PTDSS1: variants seen among roughly 807,000 people sequenced by gnomAD.
PTDSS1 encodes the protein PSS-1.
A neutral mutation model predicts 70.5 loss-of-function variants in PTDSS1; 45 were observed. The ratio of observed to expected loss-of-function variants is 0.64; its 90% CI spans 0.50 to 0.82. The LOEUF (loss-of-function observed/expected upper bound fraction) is 0.82, where lower values mean the gene tolerates loss of function less well. Among genes scored for constraint, PTDSS1 ranks in the 40% least tolerant of loss-of-function variants. The pLI is 0.00. For synonymous variants in PTDSS1, 188 were observed against 203.8 expected, an observed-to-expected ratio of 0.92 and a Z score of 0.66; for missense variants, 417 against 586.1, an observed-to-expected ratio of 0.71 and a Z score of 2.98.
chr8:96,293,944 C>A (rs1038848570), intron 4 of PTDSS1, among the ~76,000 whole-genome samples: 2 of 152,174 alleles, frequency 1.3e-5, no homozygotes, highest in Non-Finnish European at 2.9e-5. Flanking sequence ...TTCTCTGTGA[C>A]AAGAACGTGC....
chr8:96,317,552 C>T (rs551079809), intron 9 of PTDSS1, among the ~76,000 whole-genome samples: 1 of 151,738 alleles, frequency 6.6e-6, no homozygotes, highest in Non-Finnish European at 1.5e-5. Context: ...CAGGGTAACA[C>T]GGTAAAACCC....
At chr8:96,283,072 C>T (rs915111539) in intron 2 of PTDSS1, among the ~76,000 whole-genome samples, 1 of 152,322 alleles carries the variant, frequency 6.6e-6, no homozygotes, top group East Asian at 1.9e-4. Flanking sequence ...TTTGGATGGC[C>T]ACCACCTGCC....
intron 9 of PTDSS1, among the ~76,000 whole-genome samples, chr8:96,310,887 C>T (rs1367085281): frequency 2.6e-5 from 4 of 151,732 alleles, no homozygotes; most frequent in African/African-American, 7.3e-5. Context: ...TGCCTCAGTC[C>T]CCCAAGTAGC....
intron 9 of PTDSS1, among the ~76,000 whole-genome samples, chr8:96,313,394 C>T (rs28629440): frequency 0.43 from 65,591 of 151,958 alleles, 14,635 homozygotes; most frequent in Middle Eastern, 0.47. Context: ...TCCTTCAGCT[C>T]GGTGGGAGTT....
intron 2 of PTDSS1, among the ~76,000 whole-genome samples, chr8:96,274,436 G>GA (rs1810611078): frequency 6.6e-6 from 1 of 152,058 alleles, no homozygotes; most frequent in Non-Finnish European, 1.5e-5. Context: ...AGATAGAGTA[G>GA]AAAAAACAGC....
chr8:96,284,000 A>C, intron 2 of PTDSS1, 109 bp from the exon 3 acceptor site: 3 of 845,390 alleles, frequency 3.5e-6, no homozygotes, highest in Non-Finnish European at 5.5e-6. Context: ...AACTTTTAAC[A>C]GTAGAGAGCT....
rs1416100247 is a variant in PTDSS1 at position 96,336,077 on chromosome 8, T to C, written c.*2511T>C. 1.3e-5 allele frequency: 2 copies of C among 150,496 alleles called. No homozygotes were observed. The highest frequency in any genetic ancestry group is 1.3e-4 in the Admixed American group (2 of 15,230). 9.3% of individuals were successfully genotyped at this position (150,496 alleles called of 1,614,324 possible). The stretch of plus-strand genomic sequence containing the variant: ...CTTCTTCCCACATTTCGTTTGTGTC[T>C]GTTTCCACCATTCATAGAAACCTTG... On this transcript the variant is annotated 3_prime_UTR_variant, in exon 13 of 13. Coordinates refer to ENST00000517309, the MANE Select transcript of PTDSS1 (RefSeq NM_014754.3).
At chr8:96,279,456 T>TC (rs1029930698) in intron 2 of PTDSS1, among the ~76,000 whole-genome samples, 1 of 141,268 alleles carries the variant, frequency 7.1e-6, no homozygotes, top group African/African-American at 2.6e-5. Context: ...CTTCTAAATT[T>TC]AAAAAAAAAA....
chr8:96,309,637 A>G lies in PTDSS1; in HGVS notation c.1073+15A>G. ...TGGGTGTTTGGGTGAGTAATCTGTT[A>G]TTGTGGAGATTTAAAAACCACTTAA... On this transcript the variant is annotated intron_variant, in intron 9 of 12. Coordinates refer to ENST00000517309, the MANE Select transcript of PTDSS1 (RefSeq NM_014754.3). 1 of 1,613,536 alleles carries G rather than the reference A, an allele frequency of 6.2e-7. No individual in the cohort carries two copies. Among genetic ancestry groups the G allele is most frequent in the African/African-American group, 1.3e-5 (1 of 75,014 alleles).
chr8:96,278,173 T>C (rs144249187), intron 2 of PTDSS1, among the ~76,000 whole-genome samples: 83 of 152,324 alleles, frequency 5.4e-4, no homozygotes, highest in Admixed American at 4.2e-3. Context: ...ACCCCTTTTC[T>C]AGCAATCCTC....
In PTDSS1 at chr8:96,262,346, C is replaced by T; in HGVS notation, c.179+127C>T. 14 of 1,232,362 alleles carry T rather than the reference C, an allele frequency of 1.1e-5. No homozygotes were observed. The highest frequency in any genetic ancestry group is 3.3e-6 in the Non-Finnish European group (3 of 911,296). The allele number at this position is 1,232,362 out of a possible 1,614,324, so 76.3% of individuals were successfully genotyped here. A position where few individuals can be genotyped will look rare whatever the true frequency, so the allele number is the denominator to read the frequency against. ...GTGGGCTGGCTGCTCCACGCACACG[C>T]ACTGGCAGCCCGCCGCCCACGCGGC... On this transcript the variant is annotated intron_variant, in intron 1 of 12. Transcript: ENST00000517309. This position sits in a 1 kb window ranked among gnomAD's most constrained non-coding sequence, Gnocchi z 4.4.
chr8:96,275,008 T>A (rs1810620350), intron 2 of PTDSS1, among the ~76,000 whole-genome samples: 1 of 152,232 alleles, frequency 6.6e-6, no homozygotes, highest in South Asian at 2.1e-4. Context: ...TATGCAGATA[T>A]GTCAAATGTA....
intron 9 of PTDSS1, among the ~76,000 whole-genome samples, chr8:96,316,135 G>T (rs932881022): frequency 6.6e-6 from 1 of 152,216 alleles, no homozygotes; most frequent in African/African-American, 2.4e-5. Flanking sequence ...GAGCCCATGT[G>T]ATCGTTGGGT....
At chr8:96,332,373 C>G (rs1047993529) in intron 12 of PTDSS1, among the ~76,000 whole-genome samples, 1 of 152,144 alleles carries the variant, frequency 6.6e-6, no homozygotes, top group Non-Finnish European at 1.5e-5. Flanking sequence ...AAACGGTGGG[C>G]CAATGGAGAA....
chr8:96,269,120 C>T (rs1351700275), intron 1 of PTDSS1, among the ~76,000 whole-genome samples: 1 of 152,274 alleles, frequency 6.6e-6, no homozygotes. Context: ...TAGCAGAGAG[C>T]GAGGAAGACT....
chr8:96,322,606 A>C (rs1272143914), intron 10 of PTDSS1, among the ~76,000 whole-genome samples: 1 of 152,198 alleles, frequency 6.6e-6, no homozygotes, highest in Non-Finnish European at 1.5e-5. Flanking sequence ...CAATATCATT[A>C]CATTGACAGC....
At position 96,311,338 on chromosome 8, in the gene PTDSS1, G is replaced by T. The variant is rs1811209625; in HGVS notation, c.1073+1716G>T. ...GAGTATGAGAGTATAAAGAAAAATTGAGGAAAACCCATTATAGAGAAGAAA... is the reference window on the plus strand; with the variant it reads ...GAGTATGAGAGTATAAAGAAAAATTTAGGAAAACCCATTATAGAGAAGAAA... On this transcript the variant is annotated intron_variant, in intron 9 of 12. Coordinates refer to ENST00000517309, the MANE Select transcript of PTDSS1 (RefSeq NM_014754.3). 3.3e-5 allele frequency among the ~76,000 whole-genome samples: 5 copies of T among 152,266 alleles called. No homozygotes were observed. In the South Asian group the frequency reaches 1.0e-3, roughly 32 times the overall value.
intron 10 of PTDSS1, among the ~76,000 whole-genome samples, chr8:96,329,431 C>T (rs1304951008): frequency 6.6e-6 from 1 of 152,160 alleles, no homozygotes; most frequent in Non-Finnish European, 1.5e-5. Flanking sequence ...GAGACTTTTC[C>T]TAAGCTTTGA....
rs1811127465 is a variant in PTDSS1, at chr8:96,306,542, A to G, written c.993A>G (p.Thr331=). ...GAATTCTCTTTATTGGTGGCATCAC[A>G]GCTCCCACAGTGAGGTAATTCTGCA... The part of the protein sequence containing the change: ...WGRILFIGGI[T]APTVRQYYAY... The change falls in exon 8 of 13, where the codon ACA becomes ACG. Residue 331 remains threonine, a synonymous_variant. Transcript: ENST00000517309. The G allele has an allele frequency of 6.2e-7, 1 of 1,611,206 alleles. No homozygotes were observed. Among genetic ancestry groups the G allele is most frequent in the South Asian group, 1.1e-5 (1 of 91,030 alleles).
Sources: allele counts gnomAD v4.1 joint callset (sites outside exome capture counted in the v4.1 genomes callset), GRCh38; gene constraint gnomAD v4.1.1; non-coding constraint Gnocchi (gnomAD v3.1); transcripts MANE v1.5; gene names NCBI Gene and HGNC (gene_info 2026-07-23, HGNC 2026-07-21).